SLC35F4: variants seen among roughly 807,000 people sequenced by gnomAD.
SLC35F4 encodes the protein solute carrier family 35 member F4.
Under a neutral mutation model 44.2 loss-of-function variants are expected in SLC35F4, and 24 were observed. That is an observed-to-expected ratio of 0.54 (90% confidence interval 0.39 to 0.76). The LOEUF (loss-of-function observed/expected upper bound fraction) is 0.76, where lower values mean the gene tolerates loss of function less well. Ranked by LOEUF, SLC35F4 falls within the 30% of genes least tolerant of loss-of-function variation. SLC35F4 has a pLI of 0.00. For missense variants in SLC35F4, 562 were observed against 586.1 expected (o/e 0.96, Z 0.42); for synonymous variants, 238 against 223.6 (o/e 1.06, Z -0.57).
At chr14:57,567,690 C>T (rs1340220977) in intron 6 of SLC35F4, among the ~76,000 whole-genome samples, 1 of 152,160 alleles carries the variant, frequency 6.6e-6, no homozygotes, top group Non-Finnish European at 1.5e-5. Context: ...TTTGACACTC[C>T]CCTCAGACTC....
intron 1 of SLC35F4, among the ~76,000 whole-genome samples, chr14:57,958,215 G>A (rs1348483983): frequency 6.6e-6 from 1 of 151,988 alleles, no homozygotes. Flanking sequence ...CCGCCACCAC[G>A]CCCGGCTAAT....
At chr14:57,953,381 G>A (rs377669650) in intron 1 of SLC35F4, among the ~76,000 whole-genome samples, 2 of 152,082 alleles carry the variant, frequency 1.3e-5, no homozygotes, top group African/African-American at 4.8e-5. Context: ...CAACTAATGG[G>A]CAAAATAACC....
intron 1 of SLC35F4, among the ~76,000 whole-genome samples, chr14:57,886,374 C>G (rs1888645230): frequency 6.6e-6 from 1 of 152,092 alleles, no homozygotes; most frequent in Non-Finnish European, 1.5e-5. Context: ...TGCTTCCAAG[C>G]TCACTTAGGT....
chr14:57,864,457 AC>A (rs1182482016), intron 1 of SLC35F4, among the ~76,000 whole-genome samples: 1 of 152,224 alleles, frequency 6.6e-6, no homozygotes, highest in Non-Finnish European at 1.5e-5. Context: ...CTTTCCTGAA[AC>A]CAGATGAAAT....
chr14:57,612,237 T>C (rs2071555796), intron 1 of SLC35F4, among the ~76,000 whole-genome samples: 1 of 151,632 alleles, frequency 6.6e-6, no homozygotes, highest in Non-Finnish European at 1.5e-5. Context: ...GACAACAGAG[T>C]GAGATCCCGT....
intron 1 of SLC35F4, among the ~76,000 whole-genome samples, chr14:57,762,153 G>T (rs1325402492): frequency 6.6e-6 from 1 of 152,136 alleles, no homozygotes; most frequent in Non-Finnish European, 1.5e-5. Flanking sequence ...TCTAATTCAT[G>T]TGCCTGCATT....
At chr14:57,831,711 T>C (rs1316811435) in intron 1 of SLC35F4, among the ~76,000 whole-genome samples, 1 of 152,222 alleles carries the variant, frequency 6.6e-6, no homozygotes, top group Non-Finnish European at 1.5e-5. Context: ...TGGAGCTTTT[T>C]TCTCCTTGAG....
chr14:57,584,432 CGGG>C (rs2069540077), intron 3 of SLC35F4, among the ~76,000 whole-genome samples: 1 of 151,998 alleles, frequency 6.6e-6, no homozygotes, highest in Non-Finnish European at 1.5e-5. Flanking sequence ...ATGAGAGCTT[CGGG>C]AGTAACTTCT....
chr14:57,578,323 C>CTGTT, intron 4 of SLC35F4, among the ~76,000 whole-genome samples: 1 of 33,200 alleles, frequency 3.0e-5, no homozygotes, highest in African/African-American at 9.6e-5. Context: ...ATCCCTTTAA[C>CTGTT]TGTTTTTTTT....
chr14:57,638,612 T>A (rs1190915039), intron 1 of SLC35F4, among the ~76,000 whole-genome samples: 1 of 152,136 alleles, frequency 6.6e-6, no homozygotes, highest in Non-Finnish European at 1.5e-5. Flanking sequence ...TAAAGTCTCC[T>A]TTCAAATTTA....
rs1157472413 is a variant in SLC35F4 at position 57,865,713 on chromosome 14, G to A, written c.103+10C>T. 6.6e-7 allele frequency: 1 copy of A among 1,514,872 alleles called. No individual in the cohort carries two copies. The highest frequency in any genetic ancestry group is 8.8e-7 in the Non-Finnish European group (1 of 1,137,454). The allele number at this position is 1,514,872 out of a possible 1,614,324, so 93.8% of individuals were successfully genotyped here. On this transcript the variant is annotated intron_variant, in intron 1 of 7. Coordinates refer to ENST00000556826, the MANE Select transcript of SLC35F4 (RefSeq NM_001306087.2). ...CCCGCCTCGCGCAGGGCAGCCGCGC[G>A]GCGTCTTACTTTTCTGGCTGGAGTA... is the stretch of plus-strand genomic sequence containing the variant.
intron 1 of SLC35F4, among the ~76,000 whole-genome samples, chr14:57,891,849 C>T (rs1322310020): frequency 2.0e-5 from 3 of 152,104 alleles, no homozygotes; most frequent in African/African-American, 7.2e-5. Flanking sequence ...GCACTCCAGC[C>T]TGGTGACAGA....
chr14:57,892,002 T>C (rs1888780429), intron 1 of SLC35F4, among the ~76,000 whole-genome samples: 1 of 152,180 alleles, frequency 6.6e-6, no homozygotes, highest in Non-Finnish European at 1.5e-5. Context: ...TAAAAGCAAA[T>C]AATTCCCAGA....
chr14:57,778,680 G>A (rs939625406), intron 1 of SLC35F4, among the ~76,000 whole-genome samples: 1 of 151,636 alleles, frequency 6.6e-6, no homozygotes, highest in Non-Finnish European at 1.5e-5. Flanking sequence ...TGTTCTTATT[G>A]CCATATGGTA....
At chr14:57,693,382 GC>G (rs1216036069) in intron 1 of SLC35F4, among the ~76,000 whole-genome samples, 2 of 151,604 alleles carry the variant, frequency 1.3e-5, no homozygotes, top group African/African-American at 4.9e-5. Context: ...TGGCCATGAC[GC>G]CCACACTGGA....
downstream of SLC35F4, among the ~76,000 whole-genome samples, chr14:57,975,125 T>C (rs7141789): frequency 0.37 from 56,792 of 151,724 alleles, 11,108 homozygotes; most frequent in African/African-American, 0.5. Flanking sequence ...GTCACAGGAG[T>C]TTATTACATA....
At chr14:57,685,639 C>G (rs779780437) in intron 1 of SLC35F4, among the ~76,000 whole-genome samples, 30 of 152,172 alleles carry the variant, frequency 2.0e-4, no homozygotes, top group Non-Finnish European at 3.7e-4. Flanking sequence ...TCACATCACA[C>G]TCTCCTTAAT....
chr14:57,691,286 T>C (rs1788394348), intron 1 of SLC35F4, among the ~76,000 whole-genome samples: 1 of 152,172 alleles, frequency 6.6e-6, no homozygotes, highest in Admixed American at 6.5e-5. Flanking sequence ...CTAGTTAACA[T>C]ATCACACACT....
chr14:57,651,613 AG>A (rs1261471867), intron 1 of SLC35F4, among the ~76,000 whole-genome samples: 1 of 152,134 alleles, frequency 6.6e-6, no homozygotes, highest in Non-Finnish European at 1.5e-5. Flanking sequence ...TGAGGAGAGC[AG>A]TGGCCCTCCT....
Sources: gnomAD v4.1 joint callset for allele counts (sites outside exome capture counted in the v4.1 genomes callset) on GRCh38, gnomAD v4.1.1 for gene constraint, MANE v1.5 for transcripts, NCBI Gene and HGNC (gene_info 2026-07-23, HGNC 2026-07-21) for gene names.